The following KCNC3 variants were observed in gnomAD, a reference collection of about 807,000 sequenced individuals.
The protein encoded by KCNC3 is potassium voltage-gated channel subfamily C member 3.
KCNC3 carries 22 observed loss-of-function variants against 43.9 expected under a neutral mutation model. The observed-to-expected ratio is 0.50, with a 90% CI of 0.36 to 0.72. The LOEUF is 0.72. Ranked by LOEUF, KCNC3 falls within the 30% of genes least tolerant of loss-of-function variation. KCNC3 has a pLI of 0.00. For missense variants in KCNC3, 829 were observed against 1,073.8 expected, an observed-to-expected ratio of 0.77 and a Z score of 3.19; for synonymous variants, 492 against 488.0, an observed-to-expected ratio of 1.01 and a Z score of -0.11.
chr19:50,320,869 G>A, intron 2 of KCNC3, 85 bp from the exon 3 acceptor site: 2 of 1,323,088 alleles, frequency 1.5e-6, no homozygotes, highest in East Asian at 2.4e-5. Context: ...TCTGCGAGGA[G>A]CAGATGCTGG....
intron 2 of KCNC3, among the ~76,000 whole-genome samples, chr19:50,321,597 C>A (rs1298838485): frequency 1.3e-5 from 2 of 152,082 alleles, no homozygotes; most frequent in African/African-American, 4.8e-5. Context: ...TGGTGAAACC[C>A]CGTCTCTACT....
rs757211887 is a variant in KCNC3, at chr19:50,315,157, G to A, written c.*958C>T. Among the ~76,000 whole-genome samples, 30 of 152,120 alleles carry A rather than the reference G, an allele frequency of 2.0e-4. No homozygotes were observed. The highest frequency in any genetic ancestry group is 2.8e-4 in the Non-Finnish European group (19 of 68,020). ...AGACAGAGAAGGCAAGACAGACAGA[G>A]TCAGGCAGACAGAGACACAAAAGGA... is the stretch of plus-strand genomic sequence containing the variant. On this transcript the variant is annotated 3_prime_UTR_variant, in exon 5 of 5. Transcript: ENST00000477616.
chr19:50,320,352 G>A lies in KCNC3; in HGVS notation c.2171-3C>T, dbSNP rs771864260. The A allele has an allele frequency of 2.2e-5, 11 of 497,870 alleles. No homozygotes were observed. Among genetic ancestry groups the A allele is most frequent in the Non-Finnish European group, 3.6e-6 (1 of 276,398 alleles). The allele number at this position is 497,870 out of a possible 1,614,324, so 30.8% of individuals were successfully genotyped here. Reference sequence around the variant, plus strand: ...GGGCAGTGGGGGAGCACCAGTGGCTGGGGGTGGGGGAAGAGGCCAGAGAGT... The same window carrying A: ...GGGCAGTGGGGGAGCACCAGTGGCTAGGGGTGGGGGAAGAGGCCAGAGAGT... On this transcript the variant is annotated splice_polypyrimidine_tract_variant and splice_region_variant and intron_variant, in intron 3 of 4. Transcript: ENST00000477616.
chr19:50,325,879 G>C (rs894100139), intron 1 of KCNC3, among the ~76,000 whole-genome samples: 2 of 152,214 alleles, frequency 1.3e-5, no homozygotes, highest in African/African-American at 4.8e-5. Flanking sequence ...GGGAGGCCAA[G>C]GGCCAAGAGT....
chr19:50,314,070 G>A lies in KCNC3; in HGVS notation c.*2045C>T, dbSNP rs973183246. On this transcript the variant is annotated 3_prime_UTR_variant, in exon 5 of 5. Transcript: ENST00000477616. ...TCATCCCAGGAATTCTGGGATAGGA[G>A]GTCTGAGTCCATGCAGCAAGAATAG... 2 of 152,204 alleles carry A rather than the reference G, an allele frequency of 1.3e-5. No individual in the cohort carries two copies. The highest frequency in any genetic ancestry group is 6.5e-5 in the Admixed American group (1 of 15,286). 9.4% of individuals were successfully genotyped at this position (152,204 alleles called of 1,614,324 possible).
intron 4 of KCNC3, among the ~76,000 whole-genome samples, chr19:50,319,694 C>T (rs931567197): frequency 8.5e-5 from 13 of 152,126 alleles, no homozygotes; most frequent in Non-Finnish European, 1.6e-4. Flanking sequence ...CAAACCATGA[C>T]TTTCTAGGTC....
At chr19:50,326,167 C>A (rs972016159) in intron 1 of KCNC3, among the ~76,000 whole-genome samples, 1 of 152,174 alleles carries the variant, frequency 6.6e-6, no homozygotes, top group Non-Finnish European at 1.5e-5. Context: ...GGAAAGGGCT[C>A]GGCACACCTT....
intron 4 of KCNC3, among the ~76,000 whole-genome samples, chr19:50,318,991 C>CAAAAAAAAA (rs11326559): frequency 1.4e-5 from 1 of 71,456 alleles, no homozygotes; most frequent in Admixed American, 1.8e-4. Flanking sequence ...AAGACAGTCT[C>CAAAAAAAAA]AAAAAAAAAA....
Position 50,324,589 on chromosome 19 carries a change from G to A in KCNC3, c.871-507C>T, listed in dbSNP as rs148259255. Among the ~76,000 whole-genome samples, 110 of 152,308 alleles carry A rather than the reference G, an allele frequency of 7.2e-4. 2 individuals are homozygous for A. The highest frequency in any genetic ancestry group is 6.8e-3 in the Middle Eastern group (2 of 294). ...AATCGTGAGGTGGTTAAGAGTCGGCGAGCCTGGGCATGAATCTGGCTTTTA... is the reference window on the plus strand; with the variant it reads ...AATCGTGAGGTGGTTAAGAGTCGGCAAGCCTGGGCATGAATCTGGCTTTTA... On this transcript the variant is annotated intron_variant, in intron 1 of 4. Coordinates refer to ENST00000477616, the MANE Select transcript of KCNC3 (RefSeq NM_004977.3). This position sits in a 1 kb window ranked among gnomAD's most constrained non-coding sequence, Gnocchi z 4.1.
At chr19:50,322,657 G>C (rs2037047964) in intron 2 of KCNC3, among the ~76,000 whole-genome samples, 1 of 152,004 alleles carries the variant, frequency 6.6e-6, no homozygotes, top group South Asian at 2.1e-4. Flanking sequence ...TGATTCCTGT[G>C]AGACCCTCTT....
chr19:50,325,798 TA>T (rs1287473946), intron 1 of KCNC3, among the ~76,000 whole-genome samples: 3 of 152,232 alleles, frequency 2.0e-5, no homozygotes, highest in East Asian at 1.9e-4. Context: ...CCGCAGCGGC[TA>T]GGGGCCGTCT....
chr19:50,318,925 C>A (rs578038120), intron 4 of KCNC3, among the ~76,000 whole-genome samples: 1 of 129,056 alleles, frequency 7.7e-6, no homozygotes, highest in South Asian at 2.6e-4. Context: ...ATCCAGGAGG[C>A]GGAGGTTGCA....
rs763587981 is a variant in KCNC3, at chr19:50,323,647, C to T, written c.1306G>A (p.Val436Met). Residue 436 changes from valine to methionine, a missense_variant, in exon 2 of 5, where the codon GTG becomes ATG. Val to Met is a conservative substitution (Grantham distance 21). This residue lies in a region of KCNC3 where 157 missense variants were observed against 293.5 expected (regional missense o/e 0.53). Coordinates refer to ENST00000477616, the MANE Select transcript of KCNC3 (RefSeq NM_004977.3). ...KLTRHFVGLRVLGHTLRASTN... is the reference protein window; with the variant it reads ...KLTRHFVGLRMLGHTLRASTN... ...CTGGCGCGGAGCGTGTGTCCCAGCA[C>T]GCGCAGCCCCACGAAGTGCCGGGTC... 1.2e-6 allele frequency: 2 copies of T among 1,614,186 alleles called. No individual in the cohort carries two copies. The highest frequency in any genetic ancestry group is 8.5e-7 in the Non-Finnish European group (1 of 1,180,046).
At chr19:50,317,007 C>G (rs946130463) in intron 4 of KCNC3, among the ~76,000 whole-genome samples, 5 of 151,562 alleles carry the variant, frequency 3.3e-5, no homozygotes, top group South Asian at 2.1e-4. Context: ...GGACCTCCCC[C>G]ACCCAGCCAC....
chr19:50,329,083 TGGACGGGGGGCGGGGCGGGAGGGGCGG>T lies in KCNC3; in HGVS notation c.-28_-2del. ...ACGAGACGCAGACTGAGCTCAGCAT[TGGACGGGGGGCGGGGCGGGAGGGGCGG>T]GGACGCAGGGGCGGGGACACGGGGG... On this transcript the variant is annotated 5_prime_UTR_variant, in exon 1 of 5. Transcript: ENST00000477616. The T allele has an allele frequency of 2.8e-5, 9 of 321,246 alleles. No homozygotes were observed. The highest frequency in any genetic ancestry group is 3.6e-5 in the Non-Finnish European group (9 of 248,954). The allele number at this position is 321,246 out of a possible 1,614,324, so 19.9% of individuals were successfully genotyped here.
rs2037077174 is a variant in KCNC3, at chr19:50,324,401, T to C, written c.871-319A>G. Among the ~76,000 whole-genome samples the C allele has an allele frequency of 6.6e-6, 1 of 152,178 alleles. No homozygotes were observed. Among genetic ancestry groups the C allele is most frequent in the Non-Finnish European group, 1.5e-5 (1 of 68,036 alleles). ...CCTAGACCACCTCCCCCCACCCTCCTGTTCCCTGTGTCCTATTTCAGGGCC... is the reference window on the plus strand; with the variant it reads ...CCTAGACCACCTCCCCCCACCCTCCCGTTCCCTGTGTCCTATTTCAGGGCC... On this transcript the variant is annotated intron_variant, in intron 1 of 4. Transcript: ENST00000477616. The surrounding 1 kb of genome is among the most constrained non-coding windows in gnomAD (Gnocchi z 4.1).
chr19:50,318,592 C>T (rs1358159106), intron 4 of KCNC3, among the ~76,000 whole-genome samples: 1 of 152,166 alleles, frequency 6.6e-6, no homozygotes, highest in African/African-American at 2.4e-5. Flanking sequence ...CCCAATTATT[C>T]CACTCTGCTG....
At chr19:50,331,713 C>T (rs1320721555), upstream of KCNC3, among the ~76,000 whole-genome samples, 1 of 151,562 alleles carries the variant, frequency 6.6e-6, no homozygotes, top group Non-Finnish European at 1.5e-5. Flanking sequence ...CTGTTCTTCT[C>T]TCTCTCCCTC....
In KCNC3 at chr19:50,312,965, T is replaced by C. The variant is rs1420512752; in HGVS notation, c.*3150A>G. 2 of 151,798 alleles carry C rather than the reference T, an allele frequency of 1.3e-5. No homozygotes were observed. Among genetic ancestry groups the C allele is most frequent in the South Asian group, 2.1e-4 (1 of 4,790 alleles). The allele number at this position is 151,798 out of a possible 1,614,324, so 9.4% of individuals were successfully genotyped here. A position where few individuals can be genotyped will look rare whatever the true frequency, so the allele number is the denominator to read the frequency against. ...GGGGGGACTCAAAATGCCCCTTGCA[T>C]AGGAATCGTTGCATCGAGAATCGTG... On this transcript the variant is annotated 3_prime_UTR_variant, in exon 5 of 5. Transcript: ENST00000477616.
Sources: allele counts gnomAD v4.1 joint callset (sites outside exome capture counted in the v4.1 genomes callset), GRCh38; gene constraint gnomAD v4.1.1; regional missense constraint gnomAD v4.1.1; non-coding constraint Gnocchi (gnomAD v3.1); transcripts MANE v1.5; gene names NCBI Gene and HGNC (gene_info 2026-07-23, HGNC 2026-07-21).